ERC2: variants seen among roughly 807,000 people sequenced by gnomAD.
The protein encoded by ERC2 is ERC protein 2.
ERC2 carries 42 observed loss-of-function variants against 114.8 expected under a neutral mutation model. That is an observed-to-expected ratio of 0.37 (90% CI 0.29 to 0.47). The LOEUF (loss-of-function observed/expected upper bound fraction) is 0.47, where lower values mean the gene tolerates loss of function less well. Among genes scored for constraint, ERC2 ranks in the 20% least tolerant of loss-of-function variants. The probability of loss-of-function intolerance (pLI) is 0.99; values close to 1 mark genes in which losing one functional copy is unlikely to be tolerated. For missense variants in ERC2, 939 were observed against 1,150.7 expected (o/e 0.82, Z 2.66); for synonymous variants, 454 against 425.5 (o/e 1.07, Z -0.82).
intron 3 of ERC2, among the ~76,000 whole-genome samples, chr3:56,217,029 A>G (rs1346902015): frequency 6.6e-6 from 1 of 152,246 alleles, no homozygotes; most frequent in African/African-American, 2.4e-5. Flanking sequence ...ACCCACAGCC[A>G]ATATCATACT....
intron 17 of ERC2, among the ~76,000 whole-genome samples, chr3:55,511,877 G>C (rs1009766110): frequency 2.6e-5 from 4 of 152,120 alleles, no homozygotes; most frequent in Admixed American, 2.0e-4. Flanking sequence ...ACTGCATCCT[G>C]GGAAGCAATA....
At chr3:55,939,113 A>C (rs2066626114) in intron 13 of ERC2, among the ~76,000 whole-genome samples, 1 of 152,214 alleles carries the variant, frequency 6.6e-6, no homozygotes, top group Admixed American at 6.5e-5. Context: ...ATGAGGTACA[A>C]TTTTTTAAAA....
chr3:55,962,176 T>C (rs895337768), intron 12 of ERC2, among the ~76,000 whole-genome samples: 2 of 152,226 alleles, frequency 1.3e-5, no homozygotes, highest in Non-Finnish European at 2.9e-5. Context: ...TGAATTTAAT[T>C]TGTATTCAAC....
intron 3 of ERC2, among the ~76,000 whole-genome samples, chr3:56,250,723 C>A (rs1002831509): frequency 1.3e-5 from 2 of 152,106 alleles, no homozygotes; most frequent in Non-Finnish European, 2.9e-5. Context: ...GGTAAACATC[C>A]GTCAGTTGAA....
chr3:56,115,283 A>T (rs1356993010), intron 6 of ERC2, among the ~76,000 whole-genome samples: 3 of 152,158 alleles, frequency 2.0e-5, no homozygotes, highest in African/African-American at 7.2e-5. Context: ...CTGAACCCCA[A>T]TGTTTAGGGT....
intron 3 of ERC2, among the ~76,000 whole-genome samples, chr3:56,183,709 T>C (rs756275186): frequency 2.0e-5 from 3 of 152,082 alleles, no homozygotes; most frequent in Non-Finnish European, 2.9e-5. Context: ...ACGGAGCTTA[T>C]GTTCTAGTGC....
At chr3:56,166,500 A>C (rs1158050156) in intron 4 of ERC2, among the ~76,000 whole-genome samples, 3 of 151,882 alleles carry the variant, frequency 2.0e-5, no homozygotes, top group Non-Finnish European at 4.4e-5. Flanking sequence ...CTGGGCCTCT[A>C]ATTGTTTCTG....
At chr3:55,938,949 TA>T (rs1027765475) in intron 13 of ERC2, among the ~76,000 whole-genome samples, 1 of 152,118 alleles carries the variant, frequency 6.6e-6, no homozygotes, top group African/African-American at 2.4e-5. Flanking sequence ...TCAATTTTTT[TA>T]AAAAAAATTT....
intron 2 of ERC2, among the ~76,000 whole-genome samples, chr3:56,303,962 A>G (rs1240845287): frequency 1.3e-5 from 2 of 152,188 alleles, no homozygotes; most frequent in Non-Finnish European, 2.9e-5. Context: ...AGACACAAGG[A>G]AACTTCCACG....
intron 6 of ERC2, among the ~76,000 whole-genome samples, chr3:56,129,981 A>C (rs1169417881): frequency 1.3e-5 from 2 of 152,234 alleles, no homozygotes; most frequent in African/African-American, 2.4e-5. Context: ...TGCTCAAAAT[A>C]CATTGACAAT....
At chr3:56,063,470 A>G (rs528339645) in intron 7 of ERC2, among the ~76,000 whole-genome samples, 1 of 152,360 alleles carries the variant, frequency 6.6e-6, no homozygotes, top group South Asian at 2.1e-4. Context: ...TTTGTATAAA[A>G]TAATAATTTA....
chr3:55,849,064 T>C (rs1441162774), intron 14 of ERC2, among the ~76,000 whole-genome samples: 1 of 152,192 alleles, frequency 6.6e-6, no homozygotes, highest in East Asian at 1.9e-4. Context: ...GGTAGGTGAG[T>C]CCACAGTCAA....
intron 3 of ERC2, among the ~76,000 whole-genome samples, chr3:56,220,046 C>T (rs562751694): frequency 2.1e-4 from 32 of 152,200 alleles, no homozygotes; most frequent in East Asian, 7.7e-4. Flanking sequence ...TAGATTAATA[C>T]GACAAACAAA....
At chr3:56,009,267 C>T (rs774126795) in intron 9 of ERC2, among the ~76,000 whole-genome samples, 1 of 152,144 alleles carries the variant, frequency 6.6e-6, no homozygotes, top group Non-Finnish European at 1.5e-5. Flanking sequence ...ATACAAACAA[C>T]AGTCATCACA....
intron 3 of ERC2, among the ~76,000 whole-genome samples, chr3:56,213,825 G>GTTGCTGTTCC (rs1393367072): frequency 6.6e-5 from 10 of 152,106 alleles, no homozygotes; most frequent in Admixed American, 5.9e-4. Context: ...AACTTCCAGA[G>GTTGCTGTTCC]GAACAGCAAC....
intron 14 of ERC2, among the ~76,000 whole-genome samples, chr3:55,811,417 A>G (rs576896449): frequency 6.6e-6 from 1 of 152,324 alleles, no homozygotes; most frequent in East Asian, 1.9e-4. Context: ...CATTTCATAC[A>G]TGATGAAAAC....
intron 7 of ERC2, among the ~76,000 whole-genome samples, chr3:56,025,525 A>G (rs932945689): frequency 2.0e-5 from 3 of 152,192 alleles, no homozygotes; most frequent in East Asian, 3.8e-4. Context: ...GCTATATACA[A>G]AGGCCCTTGC....
intron 2 of ERC2, among the ~76,000 whole-genome samples, chr3:56,319,441 G>C (rs1369184445): frequency 6.6e-6 from 1 of 152,052 alleles, no homozygotes; most frequent in Non-Finnish European, 1.5e-5. Context: ...ATCTAAAATA[G>C]TAAAACTCAT....
chr3:56,082,055 G>T (rs1374199178), intron 6 of ERC2, among the ~76,000 whole-genome samples: 1 of 151,730 alleles, frequency 6.6e-6, no homozygotes, highest in Non-Finnish European at 1.5e-5. Context: ...TACTCCCAAA[G>T]CATTTACTTT....
Sources: gnomAD v4.1 joint callset for allele counts (sites outside exome capture counted in the v4.1 genomes callset) on GRCh38, gnomAD v4.1.1 for gene constraint, MANE v1.5 for transcripts, NCBI Gene and HGNC (gene_info 2026-07-23, HGNC 2026-07-21) for gene names.